CREB5: variants seen among roughly 807,000 people sequenced by gnomAD.
CREB5 encodes cyclic AMP-responsive element-binding protein 5.
A neutral mutation model predicts 57.1 loss-of-function variants in CREB5; 19 were observed. The observed-to-expected ratio is 0.33, with a 90% confidence interval of 0.23 to 0.49. CREB5 has a LOEUF of 0.49. Ranked by LOEUF, CREB5 falls within the 20% of genes least tolerant of loss-of-function variation. The probability of loss-of-function intolerance (pLI) is 0.99; values close to 1 mark genes in which losing one functional copy is unlikely to be tolerated. For missense variants in CREB5, 579 were observed against 671.6 expected, an observed-to-expected ratio of 0.86 and a Z score of 1.52; for synonymous variants, 238 against 238.3, an observed-to-expected ratio of 1.00 and a Z score of 0.01.
At chr7:28,413,899 A>AT (rs1320663826) in intron 1 of CREB5, among the ~76,000 whole-genome samples, 1 of 152,192 alleles carries the variant, frequency 6.6e-6, no homozygotes, top group African/African-American at 2.4e-5. Flanking sequence ...TGGAGTTTCC[A>AT]TGATGGCAAG....
rs1338207505 is a variant in CREB5 at position 28,821,762 on chromosome 7, GGAGA to G, written c.*2484_*2487del. The G allele has an allele frequency of 6.6e-6, 1 of 152,398 alleles. No individual in the cohort carries two copies. The highest frequency in any genetic ancestry group is 2.4e-5 in the African/African-American group (1 of 41,406). The allele number at this position is 152,398 out of a possible 1,614,324, so 9.4% of individuals were successfully genotyped here. On this transcript the variant is annotated 3_prime_UTR_variant, in exon 11 of 11. Coordinates refer to ENST00000357727, the MANE Select transcript of CREB5 (RefSeq NM_182898.4). ...GTGTCTCCCCTCCCCTCCACAAAAA[GGAGA>G]AAGAGTGCATTAAAATGTTTAGTTG...
intron 1 of CREB5, among the ~76,000 whole-genome samples, chr7:28,486,672 A>T (rs867797956): frequency 8.3e-6 from 1 of 120,818 alleles, no homozygotes; most frequent in Non-Finnish European, 1.7e-5. Context: ...CTATGATTTT[A>T]TATATATATA....
intron 9 of CREB5, among the ~76,000 whole-genome samples, chr7:28,811,865 C>T (rs1012693215): frequency 6.6e-6 from 1 of 152,162 alleles, no homozygotes; most frequent in Non-Finnish European, 1.5e-5. Context: ...CGCAGTGGTT[C>T]TGCAATAACT....
At chr7:28,671,494 C>A (rs746953101) in intron 5 of CREB5, among the ~76,000 whole-genome samples, 1 of 152,104 alleles carries the variant, frequency 6.6e-6, no homozygotes, top group Admixed American at 6.5e-5. Context: ...ATTTTTCAGA[C>A]TGGGGAGAAG....
chr7:28,435,756 G>GA, intron 1 of CREB5: 4 of 800,412 alleles, frequency 5.0e-6, no homozygotes, highest in Non-Finnish European at 6.1e-6. Context: ...AATTACATTT[G>GA]GCTGGAAGAA....
chr7:28,406,454 A>G (rs28596), intron 1 of CREB5, among the ~76,000 whole-genome samples: 113,966 of 152,168 alleles, frequency 0.75, 42,974 homozygotes, highest in Middle Eastern at 0.83. Flanking sequence ...TGTCCAGCCT[A>G]TACTCCTGTT....
At chr7:28,685,903 G>A in intron 5 of CREB5, 1 of 432,290 alleles carries the variant, frequency 2.3e-6, no homozygotes, top group Non-Finnish European at 4.1e-6. Flanking sequence ...TTTTGCTTCA[G>A]TTCTGCCAGA....
At chr7:28,725,157 C>A (rs1427220229) in intron 7 of CREB5, among the ~76,000 whole-genome samples, 4 of 152,294 alleles carry the variant, frequency 2.6e-5, no homozygotes, top group Non-Finnish European at 5.9e-5. Context: ...ATAGCTTGTG[C>A]TAGAAGTTGG....
intron 9 of CREB5, among the ~76,000 whole-genome samples, chr7:28,817,839 A>G (rs1809528245): frequency 6.6e-6 from 1 of 152,174 alleles, no homozygotes; most frequent in East Asian, 1.9e-4. Flanking sequence ...TAGCCTTTTA[A>G]TAAGGTTCAG....
intron 6 of CREB5, among the ~76,000 whole-genome samples, chr7:28,721,827 G>A (rs762079984): frequency 5.3e-5 from 8 of 152,314 alleles, no homozygotes; most frequent in African/African-American, 9.6e-5. Context: ...ATTTGGAAGC[G>A]TGAACACACA....
chr7:28,694,309 G>A (rs1801424481), intron 5 of CREB5, among the ~76,000 whole-genome samples: 1 of 152,084 alleles, frequency 6.6e-6, no homozygotes, highest in African/African-American at 2.4e-5. Context: ...TTCGCCTTTA[G>A]TTTTGCTCTC....
chr7:28,506,769 CTACTT>C (rs1287071267), intron 3 of CREB5, among the ~76,000 whole-genome samples: 1 of 152,224 alleles, frequency 6.6e-6, no homozygotes, highest in Non-Finnish European at 1.5e-5. Flanking sequence ...CAATTCTACT[CTACTT>C]ACCTTCTATT....
At chr7:28,511,384 G>T (rs1792694775) in intron 4 of CREB5, among the ~76,000 whole-genome samples, 1 of 152,150 alleles carries the variant, frequency 6.6e-6, no homozygotes, top group Non-Finnish European at 1.5e-5. Flanking sequence ...ACCCAAGGCG[G>T]GTGTAATAAG....
intron 1 of CREB5, among the ~76,000 whole-genome samples, chr7:28,306,568 T>TTTTTTTTTTTTTTTG (rs1785191302): frequency 1.5e-5 from 2 of 132,714 alleles, no homozygotes; most frequent in Non-Finnish European, 3.2e-5. Flanking sequence ...TTTTTTTTTT[T>TTTTTTTTTTTTTTTG]TTTTTTTTTT....
At chr7:28,563,087 C>T (rs1373358465) in intron 4 of CREB5, among the ~76,000 whole-genome samples, 2 of 152,180 alleles carry the variant, frequency 1.3e-5, no homozygotes, top group African/African-American at 4.8e-5. Context: ...AACCATATAT[C>T]TACCTTCTAG....
At chr7:28,445,565 TA>T (rs1051529801) in intron 1 of CREB5, among the ~76,000 whole-genome samples, 14 of 151,466 alleles carry the variant, frequency 9.2e-5, no homozygotes, top group South Asian at 2.1e-4. Flanking sequence ...TTTTTTTTTT[TA>T]TTTGAGACGG....
intron 1 of CREB5, 71 bp from the exon 2 acceptor site, chr7:28,488,104 G>C: frequency 7.1e-7 from 1 of 1,402,912 alleles, no homozygotes; most frequent in Non-Finnish European, 1.0e-6. Flanking sequence ...CCTTTCTCAC[G>C]TTGCTCAGGT....
intron 4 of CREB5, among the ~76,000 whole-genome samples, chr7:28,544,996 G>A (rs1245531241): frequency 6.6e-6 from 1 of 152,144 alleles, no homozygotes; most frequent in African/African-American, 2.4e-5. Context: ...CCTTCTCCTG[G>A]AGCATTAGCC....
At chr7:28,534,772 T>C (rs1267413611) in intron 4 of CREB5, among the ~76,000 whole-genome samples, 1 of 141,838 alleles carries the variant, frequency 7.1e-6, no homozygotes, top group African/African-American at 2.6e-5. Context: ...ATTTTTGTAA[T>C]CCTCACAATA....
Sources: gnomAD v4.1 joint callset for allele counts (sites outside exome capture counted in the v4.1 genomes callset) on GRCh38, gnomAD v4.1.1 for gene constraint, MANE v1.5 for transcripts, NCBI Gene and HGNC (gene_info 2026-07-23, HGNC 2026-07-21) for gene names.